The following TTC7A variants were observed in gnomAD, a reference collection of about 807,000 sequenced individuals.
The protein encoded by TTC7A is tetratricopeptide repeat domain 7A.
TTC7A carries 110 observed loss-of-function variants against 103.7 expected under a neutral mutation model. The ratio of observed to expected loss-of-function variants is 1.06; its 90% CI spans 0.91 to 1.24. The LOEUF (loss-of-function observed/expected upper bound fraction) is 1.24. Ranked by LOEUF, TTC7A falls within the 50% of genes most tolerant of loss-of-function variation. The pLI, the probability that TTC7A is intolerant of heterozygous loss-of-function variation, is 0.00. For synonymous variants in TTC7A, 521 were observed against 467.9 expected, an observed-to-expected ratio of 1.11 and a Z score of -1.47; for missense variants, 1,340 against 1,116.3, an observed-to-expected ratio of 1.20 and a Z score of -2.86.
chr2:47,044,224 A>G (rs892187686), intron 15 of TTC7A, among the ~76,000 whole-genome samples: 11 of 151,962 alleles, frequency 7.2e-5, no homozygotes, highest in Non-Finnish European at 1.6e-4. Context: ...CTCCAGCAAG[A>G]CCCCTTTCCT....
rs560908385 is a variant in TTC7A, at chr2:46,971,858, C to T, written c.518-3115C>T. On this transcript the variant is annotated intron_variant, in intron 3 of 19. Transcript: ENST00000319190. Reference sequence around the variant, plus strand: ...AGATGGGACAGACATTGATTCTTCCCGTTGGGAACCAATAGTTCAGAAGGA... The same window carrying T: ...AGATGGGACAGACATTGATTCTTCCTGTTGGGAACCAATAGTTCAGAAGGA... Among the ~76,000 whole-genome samples the T allele has an allele frequency of 3.3e-5, 5 of 151,662 alleles. No homozygotes were observed. In the East Asian group the frequency reaches 5.8e-4, roughly 18 times the overall value.
chr2:46,971,614 G>A (rs931459478), intron 3 of TTC7A, among the ~76,000 whole-genome samples: 3 of 152,112 alleles, frequency 2.0e-5, no homozygotes, highest in African/African-American at 4.8e-5. Flanking sequence ...CAGTTAGGCC[G>A]ATGTAGTCAT....
At chr2:46,987,366 AGG>A (rs1482288436) in intron 5 of TTC7A, among the ~76,000 whole-genome samples, 2 of 152,156 alleles carry the variant, frequency 1.3e-5, no homozygotes, top group African/African-American at 4.8e-5. Flanking sequence ...AAACAGCTCT[AGG>A]GGTGAAGCAG....
At chr2:47,048,769 A>T (rs1200849060) in intron 16 of TTC7A, among the ~76,000 whole-genome samples, 1 of 151,858 alleles carries the variant, frequency 6.6e-6, no homozygotes, top group Non-Finnish European at 1.5e-5. Flanking sequence ...TGTCTGGTTA[A>T]TTTAAACATT....
intron 15 of TTC7A, among the ~76,000 whole-genome samples, chr2:47,037,788 G>A (rs956029353): frequency 1.3e-5 from 2 of 152,234 alleles, no homozygotes; most frequent in Non-Finnish European, 2.9e-5. Context: ...GAGGACCTAA[G>A]TAAGCACCTG....
intron 2 of TTC7A, chr2:46,951,531 T>G (rs1174882935): frequency 4.4e-6 from 2 of 451,048 alleles, no homozygotes; most frequent in African/African-American, 4.0e-5. Flanking sequence ...CTCCCTCCCT[T>G]CCTTCCTTGC....
intron 14 of TTC7A, among the ~76,000 whole-genome samples, chr2:47,028,158 G>T (rs1354790274): frequency 4.6e-5 from 7 of 152,102 alleles, no homozygotes; most frequent in Admixed American, 2.6e-4. Context: ...TTCAGGAAAG[G>T]GCTCCTTGAA....
At position 47,024,142 on chromosome 2, in the gene TTC7A, A is replaced by T. The variant is rs377302980; in HGVS notation, c.1569-145A>T. 13 of 638,506 alleles carry T rather than the reference A, an allele frequency of 2.0e-5. No individual in the cohort carries two copies. The East Asian group carries it at 4.1e-4, about 20-fold the overall frequency. The allele number at this position is 638,506 out of a possible 1,614,324, so 39.6% of individuals were successfully genotyped here. A position where few individuals can be genotyped will look rare whatever the true frequency, so the allele number is the denominator to read the frequency against. ...TCCTTGGTCTTCATCTGCCAGCTGG[A>T]TGCCCCTCTGAGGCAGAGCCTGGCA... On this transcript the variant is annotated intron_variant, in intron 13 of 19. Coordinates refer to ENST00000319190, the MANE Select transcript of TTC7A (RefSeq NM_020458.4).
At chr2:47,052,571 C>T (rs1394228176) in intron 18 of TTC7A, among the ~76,000 whole-genome samples, 2 of 152,178 alleles carry the variant, frequency 1.3e-5, no homozygotes, top group East Asian at 1.9e-4. Flanking sequence ...GTCTTAACAC[C>T]GGCTTATGAA....
chr2:47,000,719 A>G (rs908994182), intron 8 of TTC7A, among the ~76,000 whole-genome samples: 8 of 152,058 alleles, frequency 5.3e-5, no homozygotes, highest in Non-Finnish European at 1.2e-4. Flanking sequence ...TTTCTGGGGT[A>G]GTTTTGCGGG....
intron 18 of TTC7A, among the ~76,000 whole-genome samples, chr2:47,053,140 C>T (rs191102885): frequency 4.4e-4 from 67 of 152,232 alleles, no homozygotes; most frequent in African/African-American, 1.4e-3. Flanking sequence ...GAAACTGTCC[C>T]AGTTAGCATC....
In TTC7A at chr2:46,976,523, G is replaced by A. The variant is rs960306713; in HGVS notation, c.648+1420G>A. Among the ~76,000 whole-genome samples, 3 of 152,352 alleles carry A rather than the reference G, an allele frequency of 2.0e-5. No individual in the cohort carries two copies. In the East Asian group the frequency reaches 5.8e-4, roughly 29 times the overall value. On this transcript the variant is annotated intron_variant, in intron 4 of 19. Coordinates refer to ENST00000319190, the MANE Select transcript of TTC7A (RefSeq NM_020458.4). The stretch of plus-strand genomic sequence containing the variant: ...GAGACACTTGCACCTCGCCTTCCTT[G>A]GCAGATGCCAAAATGTCAGTCCAGT...
At chr2:46,928,684 G>A (rs1252223554) in intron 2 of TTC7A, among the ~76,000 whole-genome samples, 3 of 151,894 alleles carry the variant, frequency 2.0e-5, no homozygotes, top group Non-Finnish European at 4.4e-5. Flanking sequence ...GTTGGAGGAT[G>A]GCTTGAACAC....
intron 17 of TTC7A, 131 bp from the exon 18 acceptor site, chr2:47,051,613 GCT>G (rs752513226): frequency 1.5e-5 from 18 of 1,178,304 alleles, no homozygotes; most frequent in African/African-American, 4.6e-5. Flanking sequence ...CTGCTTTCTG[GCT>G]GCCCAGCCGC....
At chr2:46,928,459 T>TAA (rs35897582) in intron 2 of TTC7A, among the ~76,000 whole-genome samples, 29 of 81,978 alleles carry the variant, frequency 3.5e-4, no homozygotes, top group East Asian at 1.6e-3. Context: ...AAAGGGAAAT[T>TAA]AAAAAAAAAA....
chr2:46,962,421 C>T (rs12712980), intron 3 of TTC7A, among the ~76,000 whole-genome samples: 100,939 of 152,038 alleles, frequency 0.66, 34,184 homozygotes, highest in East Asian at 0.75. Context: ...TGACCTCTTG[C>T]AGTTGTATCC....
intron 9 of TTC7A, 60 bp downstream of exon 9, chr2:47,006,119 C>G: frequency 1.3e-6 from 2 of 1,584,650 alleles, no homozygotes; most frequent in Non-Finnish European, 1.7e-6. Context: ...TAAAGGAAAT[C>G]AGACAGAGCC....
chr2:47,023,806 G>A (rs535886630), intron 13 of TTC7A, among the ~76,000 whole-genome samples: 103 of 152,166 alleles, frequency 6.8e-4, no homozygotes, highest in African/African-American at 2.5e-3. Flanking sequence ...TGTAACAGGG[G>A]CTCAAAAATG....
intron 3 of TTC7A, among the ~76,000 whole-genome samples, chr2:46,960,012 A>G (rs1045972325): frequency 1.3e-5 from 2 of 152,158 alleles, no homozygotes; most frequent in Non-Finnish European, 2.9e-5. Context: ...GGAAAGACCT[A>G]TTGTTTCCAT....
Sources: gnomAD v4.1 joint callset for allele counts (sites outside exome capture counted in the v4.1 genomes callset) on GRCh38, gnomAD v4.1.1 for gene constraint, MANE v1.5 for transcripts, NCBI Gene and HGNC (gene_info 2026-07-23, HGNC 2026-07-21) for gene names.